Variants in EEFSEC observed in about 807,000 individuals in gnomAD.
The protein encoded by EEFSEC is eukaryotic elongation factor, selenocysteine-tRNA specific.
Under a neutral mutation model 42.1 loss-of-function variants are expected in EEFSEC, and 43 were observed. That is an observed-to-expected ratio of 1.02 (90% confidence interval 0.80 to 1.32). EEFSEC has a LOEUF of 1.32. Among genes scored for constraint, EEFSEC ranks in the 40% most tolerant of loss-of-function variants. The pLI, the probability that EEFSEC is intolerant of heterozygous loss-of-function variation, is 0.00. For missense variants in EEFSEC, 745 were observed against 803.6 expected, an observed-to-expected ratio of 0.93 and a Z score of 0.88; for synonymous variants, 354 against 339.1, an observed-to-expected ratio of 1.04 and a Z score of -0.48.
the EEFSEC span, among the ~76,000 whole-genome samples, chr3:128,419,219 G>C: frequency 3.3e-5 from 5 of 152,128 alleles, no homozygotes; most frequent in African/African-American, 4.8e-5. Context: ...CAAAGAAGTG[G>C]GGCACGGCTG....
chr3:128,316,538 A>G (rs1413751996), intron 4 of EEFSEC, among the ~76,000 whole-genome samples: 2 of 152,120 alleles, frequency 1.3e-5, no homozygotes, highest in African/African-American at 2.4e-5. Context: ...GTTTTTGGCT[A>G]TGGGAAAGTG....
At chr3:128,171,951 A>G (rs2107777415) in intron 1 of EEFSEC, among the ~76,000 whole-genome samples, 1 of 152,360 alleles carries the variant, frequency 6.6e-6, no homozygotes, top group South Asian at 2.1e-4. Flanking sequence ...ATTAGTTACA[A>G]GTGATCTAGA....
intron 1 of EEFSEC, among the ~76,000 whole-genome samples, chr3:128,160,706 A>G (rs937697146): frequency 6.6e-6 from 1 of 152,190 alleles, no homozygotes; most frequent in African/African-American, 2.4e-5. Flanking sequence ...GGAGAAGGAA[A>G]TTATAACAGT....
chr3:128,394,992 C>G (rs2067964152), intron 6 of EEFSEC, among the ~76,000 whole-genome samples: 1 of 152,230 alleles, frequency 6.6e-6, no homozygotes, highest in Non-Finnish European at 1.5e-5. Context: ...TAACCGAGCA[C>G]TCTGTGTGCC....
intron 1 of EEFSEC, among the ~76,000 whole-genome samples, chr3:128,167,396 A>G (rs1282287595): frequency 1.3e-5 from 2 of 152,242 alleles, no homozygotes; most frequent in Non-Finnish European, 2.9e-5. Context: ...GAATGAATGA[A>G]TGAAGAGGTC....
At chr3:128,257,407 C>G (rs1160051792) in intron 2 of EEFSEC, among the ~76,000 whole-genome samples, 1 of 152,160 alleles carries the variant, frequency 6.6e-6, no homozygotes, top group Non-Finnish European at 1.5e-5. Context: ...TATGTTCTGC[C>G]CAGCTCGTCT....
chr3:128,408,082 C>G lies in EEFSEC; in HGVS notation c.1614C>G (p.Pro538=), dbSNP rs370516665. ...FKIHIPGGLS[P]ESKKILTPAL... ...TGTGCCTTGCAGGTGGCCTCAGCCC[C>G]GAGTCCAAGAAGATCCTGACACCCG... is the stretch of plus-strand genomic sequence containing the variant. Residue 538 remains proline (P), a synonymous_variant, in exon 7 of 7, where the codon CCC becomes CCG. Transcript: ENST00000254730. 34 of 1,580,414 alleles carry G rather than the reference C, an allele frequency of 2.2e-5. No individual in the cohort carries two copies. In the African/African-American group the frequency reaches 3.4e-4, roughly 16 times the overall value.
At position 128,184,296 on chromosome 3, in the gene EEFSEC, T is replaced by C. The variant is rs190866779; in HGVS notation, c.316+30473T>C. 1.5e-3 allele frequency among the ~76,000 whole-genome samples: 229 copies of C among 152,340 alleles called. 1 individual carries two copies. Among genetic ancestry groups the C allele is most frequent in the Middle Eastern group, 0.01 (3 of 294 alleles). On this transcript the variant is annotated intron_variant, in intron 1 of 6. Coordinates refer to ENST00000254730, the MANE Select transcript of EEFSEC (RefSeq NM_021937.5). The stretch of plus-strand genomic sequence containing the variant: ...ACTGCTATCCATCTCCAGAACCTTT[T>C]CATCTTCTCAAACTGCAACTCTGTA...
intron 6 of EEFSEC, among the ~76,000 whole-genome samples, chr3:128,389,596 G>A (rs2067883478): frequency 6.6e-6 from 1 of 152,270 alleles, no homozygotes; most frequent in Non-Finnish European, 1.5e-5. Context: ...GGTGAGGCTG[G>A]CCGCCTTGCT....
At chr3:128,319,669 T>C (rs935189941) in intron 4 of EEFSEC, among the ~76,000 whole-genome samples, 2 of 152,124 alleles carry the variant, frequency 1.3e-5, no homozygotes, top group Non-Finnish European at 2.9e-5. Context: ...CATGCACTCC[T>C]CTCTCTGCCT....
intron 4 of EEFSEC, among the ~76,000 whole-genome samples, chr3:128,276,651 C>T (rs1326773562): frequency 6.6e-6 from 1 of 152,164 alleles, no homozygotes; most frequent in Non-Finnish European, 1.5e-5. Context: ...TAGGCTAGGT[C>T]ATAGGAGTAG....
chr3:128,403,126 G>A (rs1313335536), intron 6 of EEFSEC, among the ~76,000 whole-genome samples: 1 of 152,188 alleles, frequency 6.6e-6, no homozygotes, highest in Non-Finnish European at 1.5e-5. Flanking sequence ...ACAGTGACTC[G>A]AAGAAAGTGA....
At chr3:128,344,445 T>C (rs1169321955) in intron 5 of EEFSEC, among the ~76,000 whole-genome samples, 2 of 152,236 alleles carry the variant, frequency 1.3e-5, no homozygotes, top group Non-Finnish European at 2.9e-5. Context: ...AATTATTCAG[T>C]GTAAGGAAGT....
chr3:128,222,285 G>A (rs1014037413), intron 1 of EEFSEC, among the ~76,000 whole-genome samples: 1 of 152,082 alleles, frequency 6.6e-6, no homozygotes. Context: ...TGCCTGCCTC[G>A]GCTTCCCAAA....
At chr3:128,369,257 A>G (rs565009852) in intron 6 of EEFSEC, among the ~76,000 whole-genome samples, 1 of 152,384 alleles carries the variant, frequency 6.6e-6, no homozygotes, top group African/African-American at 2.4e-5. Context: ...CCAAAGGGAC[A>G]GGACACGATG....
chr3:128,351,918 C>G (rs989341699), intron 5 of EEFSEC, among the ~76,000 whole-genome samples: 1 of 152,210 alleles, frequency 6.6e-6, no homozygotes, highest in Non-Finnish European at 1.5e-5. Context: ...GGACTGTTCC[C>G]TAGAAGCAAG....
At chr3:128,199,120 C>CCA (rs1055887406) in intron 1 of EEFSEC, among the ~76,000 whole-genome samples, 5 of 152,208 alleles carry the variant, frequency 3.3e-5, no homozygotes, top group Admixed American at 6.5e-5. Flanking sequence ...GCTTGAGCTA[C>CCA]CACACCTGGC....
Position 128,358,207 on chromosome 3 carries a change from G to C in EEFSEC, c.1444-10G>C, listed in dbSNP as rs563131031. The C allele has an allele frequency of 6.2e-7, 1 of 1,613,370 alleles. No homozygotes were observed. The highest frequency in any genetic ancestry group is 1.1e-5 in the South Asian group (1 of 91,018). ...ATGCCCTCTCTCTGTGGCTGGGTGT[G>C]TGGGGACAGGCGATGGATGACTACA... On this transcript the variant is annotated splice_polypyrimidine_tract_variant and intron_variant, in intron 5 of 6. Coordinates refer to ENST00000254730, the MANE Select transcript of EEFSEC (RefSeq NM_021937.5).
chr3:128,351,420 G>T (rs1223650799), intron 5 of EEFSEC, among the ~76,000 whole-genome samples: 6 of 152,222 alleles, frequency 3.9e-5, no homozygotes. Context: ...CTGAGTTTCA[G>T]AGAAGTCCCT....
Sources: gnomAD v4.1 joint callset for allele counts (sites outside exome capture counted in the v4.1 genomes callset) on GRCh38, gnomAD v4.1.1 for gene constraint, MANE v1.5 for transcripts, NCBI Gene and HGNC (gene_info 2026-07-23, HGNC 2026-07-21) for gene names.